Variants in CENPC observed in about 807,000 individuals in gnomAD.
CENPC encodes CENP-C 1.
CENPC carries 63 observed loss-of-function variants against 112.1 expected under a neutral mutation model. The observed-to-expected ratio is 0.56, with a 90% confidence interval of 0.46 to 0.69. The LOEUF (loss-of-function observed/expected upper bound fraction) is 0.69. CENPC is among the 30% of genes least tolerant of loss of function. CENPC has a pLI of 0.00. For missense variants in CENPC, 1,000 were observed against 1,103.8 expected (o/e 0.91, Z 1.33); for synonymous variants, 333 against 367.6 (o/e 0.91, Z 1.08).
intron 17 of CENPC, among the ~76,000 whole-genome samples, chr4:67,482,254 C>A (rs4266337): frequency 0.63 from 96,018 of 151,922 alleles, 30,573 homozygotes; most frequent in East Asian, 0.81. Context: ...CCATAATCAA[C>A]AAATAGTAGA....
chr4:67,501,324 A>G (rs1167722871), intron 12 of CENPC, among the ~76,000 whole-genome samples: 2 of 152,122 alleles, frequency 1.3e-5, no homozygotes, highest in Non-Finnish European at 2.9e-5. Flanking sequence ...ACAAACAAAC[A>G]AAAAACAAAA....
intron 12 of CENPC, among the ~76,000 whole-genome samples, chr4:67,504,092 C>CAAAAAAAAAAA (rs33925641): frequency 8.8e-6 from 1 of 114,086 alleles, no homozygotes; most frequent in Non-Finnish European, 1.8e-5. Context: ...GTGAATGGGG[C>CAAAAAAAAAAA]AAAAAAAAAA....
intron 9 of CENPC, 84 bp from the exon 10 acceptor site, chr4:67,509,189 C>A: frequency 2.0e-4 from 127 of 633,078 alleles, no homozygotes; most frequent in Non-Finnish European, 2.6e-4. Context: ...TTTATATTTG[C>A]ATATAAACAT....
chr4:67,542,986 CATT>C (rs1036437421), intron 2 of CENPC, among the ~76,000 whole-genome samples: 13 of 152,178 alleles, frequency 8.5e-5, no homozygotes, highest in Non-Finnish European at 7.4e-5. Context: ...TCCCCTTTGT[CATT>C]ATTACCTTAG....
chr4:67,509,414 C>T (rs1286069351), intron 9 of CENPC, among the ~76,000 whole-genome samples: 1 of 152,072 alleles, frequency 6.6e-6, no homozygotes, highest in Non-Finnish European at 1.5e-5. Context: ...ATCTGATATT[C>T]CCCAAGGTGA....
intron 5 of CENPC, among the ~76,000 whole-genome samples, chr4:67,526,019 G>A (rs575209869): frequency 6.6e-6 from 1 of 152,270 alleles, no homozygotes; most frequent in Non-Finnish European, 1.5e-5. Flanking sequence ...CATGTCCTTT[G>A]CAGGGACATG....
chr4:67,545,472 A>G lies in CENPC; in HGVS notation c.-117T>C. ...AATACCAGGCCGCGGCCAAGCAATA[A>G]CCTTAAGTCTCAGGCGACTGCCGCG... On this transcript the variant is annotated 5_prime_UTR_variant, in exon 1 of 19. Coordinates refer to ENST00000273853, the MANE Select transcript of CENPC (RefSeq NM_001812.4). 1 of 1,062,792 alleles carries G rather than the reference A, an allele frequency of 9.4e-7. No homozygotes were observed. The highest frequency in any genetic ancestry group is 1.3e-6 in the Non-Finnish European group (1 of 788,742). The allele number at this position is 1,062,792 out of a possible 1,614,324, so 65.8% of individuals were successfully genotyped here.
In CENPC at chr4:67,470,617, A is replaced by G. The variant is rs1480211218; in HGVS notation, c.*1988T>C. On this transcript the variant is annotated 3_prime_UTR_variant, in exon 19 of 19. Transcript: ENST00000273853. ...AGAAAAGAAAAAAGAAAATAAAGAA[A>G]AAATATTGCTAAAGCTTTGGAAAAG... The G allele has an allele frequency of 6.6e-6, 1 of 152,096 alleles. No individual in the cohort carries two copies. Among genetic ancestry groups the G allele is most frequent in the Admixed American group, 6.6e-5 (1 of 15,252 alleles). The allele number at this position is 152,096 out of a possible 1,614,324, so 9.4% of individuals were successfully genotyped here.
intron 6 of CENPC, among the ~76,000 whole-genome samples, 171 bp from the exon 7 acceptor site, chr4:67,518,539 C>T (rs17554730): frequency 0.24 from 35,921 of 151,884 alleles, 4,583 homozygotes; most frequent in Non-Finnish European, 0.29. Context: ...AGATAAACTG[C>T]TCAGGAAAAT....
At chr4:67,493,631 C>G (rs372121824) in intron 14 of CENPC, 6 of 311,946 alleles carry the variant, frequency 1.9e-5, no homozygotes, top group African/African-American at 1.1e-4. Context: ...AATTTTCTCA[C>G]GTTCTAATCT....
At position 67,541,039 on chromosome 4, in the gene CENPC, A is replaced by C; in HGVS notation, c.77T>G (p.Ile26Ser). 6.2e-7 allele frequency: 1 copy of C among 1,607,968 alleles called. No homozygotes were observed. The highest frequency in any genetic ancestry group is 8.5e-7 in the Non-Finnish European group (1 of 1,176,922). ...RFCRPSRARD[I>S]NTEQGQNVLE... ...AACATTCTGGCCTTGCTCTGTGTTA[A>C]TGTCACGTGCCCTAATAAAGGAAAA... Residue 26 changes from isoleucine to serine, a missense_variant, in exon 3 of 19, where the codon ATT becomes AGT. By Grantham distance (142) the Ile-to-Ser change is moderately radical. Transcript: ENST00000273853.
rs532734542 is a variant in CENPC at position 67,472,749 on chromosome 4, C to T, written c.2762-74G>A. On this transcript the variant is annotated intron_variant, in intron 18 of 18. Transcript: ENST00000273853. ...TCTTTTTGATTAAGTATGTAGTCATCACCTGACAGTTGTAGTATAGGACAC... is the reference window on the plus strand; with the variant it reads ...TCTTTTTGATTAAGTATGTAGTCATTACCTGACAGTTGTAGTATAGGACAC... 4.5e-6 allele frequency: 6 copies of T among 1,342,134 alleles called. No individual in the cohort carries two copies. In the South Asian group the frequency reaches 1.2e-4, roughly 28 times the overall value. The allele number at this position is 1,342,134 out of a possible 1,614,324, so 83.1% of individuals were successfully genotyped here. A position where few individuals can be genotyped will look rare whatever the true frequency, so the allele number is the denominator to read the frequency against.
chr4:67,484,547 T>C (rs572684535), intron 17 of CENPC, among the ~76,000 whole-genome samples: 12 of 152,260 alleles, frequency 7.9e-5, no homozygotes, highest in East Asian at 3.9e-4. Flanking sequence ...ATGAACCCTA[T>C]TGTGAAATGT....
rs940504115 is a variant in CENPC at position 67,474,999 on chromosome 4, A to T, written c.2671-21T>A. On this transcript the variant is annotated intron_variant, in intron 17 of 18. Coordinates refer to ENST00000273853, the MANE Select transcript of CENPC (RefSeq NM_001812.4). Reference sequence around the variant, plus strand: ...AAAACCTGTAAAAATAAAAATAAAAATCTCATTCAAAACTGAACCATGATA... The same window carrying T: ...AAAACCTGTAAAAATAAAAATAAAATTCTCATTCAAAACTGAACCATGATA... 3.0e-6 allele frequency: 4 copies of T among 1,337,328 alleles called. No homozygotes were observed. In the South Asian group the frequency reaches 5.4e-5, roughly 18 times the overall value. 82.8% of individuals were successfully genotyped at this position (1,337,328 alleles called of 1,614,324 possible).
chr4:67,498,741 C>A (rs1725509200), intron 12 of CENPC, among the ~76,000 whole-genome samples: 1 of 152,234 alleles, frequency 6.6e-6, no homozygotes, highest in South Asian at 2.1e-4. Context: ...CCATTGAAGT[C>A]TTGAACCCTT....
intron 13 of CENPC, 47 bp from the exon 14 acceptor site, chr4:67,494,035 T>C (rs1725360894): frequency 8.1e-7 from 1 of 1,231,134 alleles, no homozygotes; most frequent in South Asian, 1.3e-5. Flanking sequence ...TTTTAGTTGA[T>C]GGTACTTAGC....
In CENPC at chr4:67,508,838, T is replaced by G; in HGVS notation, c.1880A>C (p.Lys627Thr). ...PLESDEADLA[K>T]KKNLDCSRST... ...CCTAGAACAATCAAGATTTTTCTTC[T>G]TAGCCAAGTCTGCCTCATCACTTTC... is the stretch of plus-strand genomic sequence containing the variant. Residue 627 changes from lysine to threonine, a missense_variant, in exon 10 of 19, where the codon AAG (lysine) becomes ACG (threonine). Coordinates refer to ENST00000273853, the MANE Select transcript of CENPC (RefSeq NM_001812.4). 6.2e-7 allele frequency: 1 copy of G among 1,613,356 alleles called. No individual in the cohort carries two copies. Among genetic ancestry groups the G allele is most frequent in the Non-Finnish European group, 8.5e-7 (1 of 1,179,672 alleles).
rs185463121 is a variant in CENPC at position 67,495,314 on chromosome 4, G to C, written c.2132-102C>G. The C allele has an allele frequency of 1.9e-5, 21 of 1,081,920 alleles. No individual in the cohort carries two copies. In the Admixed American group the frequency reaches 6.7e-4, roughly 35 times the overall value. The allele number at this position is 1,081,920 out of a possible 1,614,324, so 67.0% of individuals were successfully genotyped here. On this transcript the variant is annotated intron_variant, in intron 12 of 18. Transcript: ENST00000273853. Reference sequence around the variant, plus strand: ...TTTCAGTATGAGTATTTTAAATAAAGTTTGACCTGATAATGTATTTTATTA... The same window carrying C: ...TTTCAGTATGAGTATTTTAAATAAACTTTGACCTGATAATGTATTTTATTA...
At chr4:67,491,801 G>GC (rs1214787123) in intron 16 of CENPC, among the ~76,000 whole-genome samples, 2 of 152,022 alleles carry the variant, frequency 1.3e-5, no homozygotes, top group Admixed American at 6.6e-5. Context: ...CACAATCCCT[G>GC]CCTGGCTTCA....
Sources: allele counts gnomAD v4.1 joint callset (sites outside exome capture counted in the v4.1 genomes callset), GRCh38; gene constraint gnomAD v4.1.1; transcripts MANE v1.5; gene names NCBI Gene and HGNC (gene_info 2026-07-23, HGNC 2026-07-21).